DCC: variants seen among roughly 807,000 people sequenced by gnomAD.
DCC encodes netrin receptor DCC.
A neutral mutation model predicts 172.5 loss-of-function variants in DCC; 58 were observed. That is an observed-to-expected ratio of 0.34 (90% CI 0.27 to 0.42). The LOEUF (loss-of-function observed/expected upper bound fraction) is 0.42, where lower values mean the gene tolerates loss of function less well. Among genes scored for constraint, DCC ranks in the 10% least tolerant of loss-of-function variants. The pLI is 1.00. For synonymous variants in DCC, 709 were observed against 644.5 expected (o/e 1.10, Z -1.52); for missense variants, 1,740 against 1,791.0 (o/e 0.97, Z 0.51).
chr18:53,196,795 T>C (rs1408160045), intron 9 of DCC, among the ~76,000 whole-genome samples: 2 of 152,064 alleles, frequency 1.3e-5, no homozygotes, highest in Non-Finnish European at 2.9e-5. Context: ...ATATTAAAAC[T>C]AAAGGTAAAA....
chr18:52,961,564 A>C (rs1002481456), intron 5 of DCC, among the ~76,000 whole-genome samples: 4 of 152,184 alleles, frequency 2.6e-5, no homozygotes, highest in Non-Finnish European at 5.9e-5. Flanking sequence ...GCTCATGCTG[A>C]AAGCCACCAT....
chr18:53,224,825 G>A lies in DCC; in HGVS notation c.1911+9228G>A, dbSNP rs770870206. Among the ~76,000 whole-genome samples the A allele has an allele frequency of 9.2e-5, 14 of 152,112 alleles. No homozygotes were observed. The South Asian group carries it at 1.0e-3, about 11-fold the overall frequency. ...AATCACTTTTGGACATTTTGAATTC[G>A]AGATAGCTATTAAATATACAATTAG... On this transcript the variant is annotated intron_variant, in intron 12 of 28. Transcript: ENST00000442544.
chr18:52,708,473 T>C (rs2036245953), intron 1 of DCC, among the ~76,000 whole-genome samples: 2 of 151,560 alleles, frequency 1.3e-5, no homozygotes, highest in African/African-American at 4.8e-5. Context: ...TAATGATAAT[T>C]GGAAAACCCT....
chr18:52,456,135 T>C (rs1988450040), intron 1 of DCC, among the ~76,000 whole-genome samples: 1 of 152,210 alleles, frequency 6.6e-6, no homozygotes, highest in African/African-American at 2.4e-5. Context: ...ATTTCTGTTT[T>C]ATATTTATTT....
At position 53,045,457 on chromosome 18, in the gene DCC, T is replaced by A. The variant is rs201806349; in HGVS notation, c.986-17848T>A. Among the ~76,000 whole-genome samples, 5 of 151,970 alleles carry A rather than the reference T, an allele frequency of 3.3e-5. No individual in the cohort carries two copies. In the East Asian group the frequency reaches 9.7e-4, roughly 30 times the overall value. ...AGATGTTTAGGGTTACAAATTATTT[T>A]GTGTCTGAGTTGACTGCCTTATCCC... On this transcript the variant is annotated intron_variant, in intron 5 of 28. Transcript: ENST00000442544.
At chr18:52,421,785 T>A (rs1987258034) in intron 1 of DCC, among the ~76,000 whole-genome samples, 1 of 152,176 alleles carries the variant, frequency 6.6e-6, no homozygotes, top group Non-Finnish European at 1.5e-5. Context: ...TAAATGTTTT[T>A]TGTTGTTGTT....
Position 53,339,726 on chromosome 18 carries a change from T to A in DCC, c.2178T>A (p.Pro726=), listed in dbSNP as rs755682764. 6.2e-7 allele frequency: 1 copy of A among 1,613,976 alleles called. No homozygotes were observed. Among genetic ancestry groups the A allele is most frequent in the Admixed American group, 1.7e-5 (1 of 59,992 alleles). ...PENDLDESQV[P]DQPSSLHVRP... ...TTTGAATGCTAGAATCTCAAGTTCC[T>A]GATCAACCAAGCTCTCTTCATGTGA... The change falls in exon 15 of 29, where the codon CCT becomes CCA. Residue 726 remains proline, a synonymous_variant. Transcript: ENST00000442544.
chr18:53,429,668 T>C (rs1183742978), intron 21 of DCC, among the ~76,000 whole-genome samples: 4 of 152,068 alleles, frequency 2.6e-5, no homozygotes, highest in Non-Finnish European at 5.9e-5. Flanking sequence ...ACCAAATGCA[T>C]TCCTATCCTG....
intron 1 of DCC, among the ~76,000 whole-genome samples, chr18:52,622,581 C>G (rs2034500031): frequency 1.3e-5 from 2 of 152,070 alleles, no homozygotes; most frequent in African/African-American, 4.8e-5. Context: ...CCATCACTGC[C>G]CCTATTCTAA....
At chr18:53,129,722 T>C (rs1341592030) in intron 7 of DCC, among the ~76,000 whole-genome samples, 1 of 152,176 alleles carries the variant, frequency 6.6e-6, no homozygotes, top group East Asian at 1.9e-4. Context: ...TGTATTTATC[T>C]ACTATCTACT....
At chr18:53,099,734 G>A (rs920249248) in intron 7 of DCC, among the ~76,000 whole-genome samples, 1 of 151,980 alleles carries the variant, frequency 6.6e-6, no homozygotes, top group Non-Finnish European at 1.5e-5. Context: ...CAAAAAAGGG[G>A]CTTCAGGGTC....
chr18:52,493,546 C>T (rs1350096386), intron 1 of DCC, among the ~76,000 whole-genome samples: 3 of 151,850 alleles, frequency 2.0e-5, no homozygotes, highest in Non-Finnish European at 4.4e-5. Context: ...CTCAAAATGC[C>T]CAGGTTTCTG....
At chr18:53,022,544 CGTGTGTGTGTGT>C (rs10686492) in intron 5 of DCC, among the ~76,000 whole-genome samples, 1 of 85,562 alleles carries the variant, frequency 1.2e-5, no homozygotes, top group Non-Finnish European at 3.3e-5. Flanking sequence ...TATATATGTG[CGTGTGTGTGTGT>C]GTGTGTGTGT....
At chr18:52,961,325 A>C (rs1463367625) in intron 5 of DCC, among the ~76,000 whole-genome samples, 1 of 152,154 alleles carries the variant, frequency 6.6e-6, no homozygotes, top group Non-Finnish European at 1.5e-5. Context: ...TGCATAGGAC[A>C]TTGTGCACTA....
At chr18:52,383,575 C>A (rs1985673935) in intron 1 of DCC, among the ~76,000 whole-genome samples, 1 of 151,894 alleles carries the variant, frequency 6.6e-6, no homozygotes, top group Non-Finnish European at 1.5e-5. Flanking sequence ...AATAAACTTT[C>A]ATCTTTTATG....
chr18:53,373,916 A>T (rs551250676), intron 15 of DCC, among the ~76,000 whole-genome samples: 3 of 152,300 alleles, frequency 2.0e-5, no homozygotes, highest in Non-Finnish European at 4.4e-5. Flanking sequence ...TTAAACTCCT[A>T]CCCATGCTAT....
intron 1 of DCC, among the ~76,000 whole-genome samples, chr18:52,357,774 A>C (rs1984434612): frequency 1.3e-5 from 2 of 151,986 alleles, no homozygotes; most frequent in Non-Finnish European, 1.5e-5. Flanking sequence ...GTCTCTACTA[A>C]AAATACAAAA....
chr18:52,608,012 C>T (rs2034172730), intron 1 of DCC, among the ~76,000 whole-genome samples: 1 of 152,022 alleles, frequency 6.6e-6, no homozygotes, highest in Non-Finnish European at 1.5e-5. Context: ...AACCTCCGGG[C>T]CCTATTTTCA....
chr18:52,500,145 T>C (rs867427103), intron 1 of DCC, among the ~76,000 whole-genome samples: 65 of 151,386 alleles, frequency 4.3e-4, no homozygotes, highest in African/African-American at 1.5e-3. Context: ...CAAGGAGAAA[T>C]GCAGGTGACA....
Sources: allele counts gnomAD v4.1 joint callset (sites outside exome capture counted in the v4.1 genomes callset), GRCh38; gene constraint gnomAD v4.1.1; transcripts MANE v1.5; gene names NCBI Gene and HGNC (gene_info 2026-07-23, HGNC 2026-07-21).